SLC9A3: variants seen among roughly 807,000 people sequenced by gnomAD.
The protein encoded by SLC9A3 is sodium/hydrogen exchanger 3.
A neutral mutation model predicts 86.8 loss-of-function variants in SLC9A3; 37 were observed. That is an observed-to-expected ratio of 0.43 (90% CI 0.33 to 0.56). The LOEUF (loss-of-function observed/expected upper bound fraction) is 0.56. Ranked by LOEUF, SLC9A3 falls within the 20% of genes least tolerant of loss-of-function variation. The pLI, the probability that SLC9A3 is intolerant of heterozygous loss-of-function variation, is 0.06. For synonymous variants in SLC9A3, 581 were observed against 528.3 expected (o/e 1.10, Z -1.37); for missense variants, 1,011 against 1,171.9 (o/e 0.86, Z 2.00).
intron 14 of SLC9A3, 47 bp from the exon 15 acceptor site, chr5:475,718 T>TGAGGACAGCCC: frequency 1.9e-6 from 2 of 1,057,102 alleles, no homozygotes; most frequent in Non-Finnish European, 2.9e-6. Context: ...TGGGGGGCTG[T>TGAGGACAGCCC]CCTCACAGCC....
At chr5:493,618 C>A (rs1269390306) in intron 1 of SLC9A3, among the ~76,000 whole-genome samples, 1 of 152,246 alleles carries the variant, frequency 6.6e-6, no homozygotes, top group Non-Finnish European at 1.5e-5. Flanking sequence ...CAGGCACAAG[C>A]TCCGCACCTG....
chr5:473,109 G>A lies in SLC9A3; in HGVS notation c.*270C>T, dbSNP rs1327674902. ...GCTGTGCACGCGGCGCGCCGCCGCC[G>A]AACGCGCGTGCGCACTCGGCAGCCC... On this transcript the variant is annotated 3_prime_UTR_variant, in exon 17 of 17. Coordinates refer to ENST00000264938, the MANE Select transcript of SLC9A3 (RefSeq NM_004174.4). The A allele has an allele frequency of 4.3e-5, 8 of 185,874 alleles. No individual in the cohort carries two copies. The highest frequency in any genetic ancestry group is 1.4e-4 in the African/African-American group (6 of 41,770). 11.5% of individuals were successfully genotyped at this position (185,874 alleles called of 1,614,324 possible). A position where few individuals can be genotyped will look rare whatever the true frequency, so the allele number is the denominator to read the frequency against.
intron 1 of SLC9A3, among the ~76,000 whole-genome samples, chr5:515,101 T>C (rs774588439): frequency 1.1e-4 from 17 of 152,002 alleles, no homozygotes; most frequent in Admixed American, 2.0e-4. Context: ...TGGGGAGACA[T>C]GGGGAGATTT....
rs1300903574 is a variant in SLC9A3 at position 484,808 on chromosome 5, C to T, written c.755-111G>A. ...GGGAGCCCGGGAAACGGGGGTGGAT[C>T]CCTCACTCTCTTGGAGATCGGGCCT... On this transcript the variant is annotated intron_variant, in intron 4 of 16. Transcript: ENST00000264938. The T allele has an allele frequency of 5.0e-6, 5 of 1,006,140 alleles. No individual in the cohort carries two copies. In the Admixed American group the frequency reaches 1.1e-4, roughly 21 times the overall value. 62.3% of individuals were successfully genotyped at this position (1,006,140 alleles called of 1,614,324 possible). A position where few individuals can be genotyped will look rare whatever the true frequency, so the allele number is the denominator to read the frequency against.
intron 9 of SLC9A3, chr5:480,167 A>G (rs564878806): frequency 2.0e-5 from 11 of 556,330 alleles, no homozygotes; most frequent in Non-Finnish European, 3.5e-5. Context: ...AGGCCGTTAG[A>G]CGCATATGAA....
At position 483,735 on chromosome 5, in the gene SLC9A3, G is replaced by C. The variant is rs536326872; in HGVS notation, c.933-253C>G. ...CCTGCCAGCAGGGAGGGCAACAAAG[G>C]GTTCCAAAGTCCCTCCCCACCTGAC... On this transcript the variant is annotated intron_variant, in intron 5 of 16. Coordinates refer to ENST00000264938, the MANE Select transcript of SLC9A3 (RefSeq NM_004174.4). Among the ~76,000 whole-genome samples, 24 of 152,382 alleles carry C rather than the reference G, an allele frequency of 1.6e-4. No individual in the cohort carries two copies. The South Asian group carries it at 5.0e-3, about 32-fold the overall frequency.
In SLC9A3 at chr5:491,650, C is replaced by A. The variant is rs1739746623; in HGVS notation, c.514+119G>T. 2 of 944,872 alleles carry A rather than the reference C, an allele frequency of 2.1e-6. No homozygotes were observed. Among genetic ancestry groups the A allele is most frequent in the African/African-American group, 1.7e-5 (1 of 60,240 alleles). 58.5% of individuals were successfully genotyped at this position (944,872 alleles called of 1,614,324 possible). A position where few individuals can be genotyped will look rare whatever the true frequency, so the allele number is the denominator to read the frequency against. ...ACGGGGCTGCCAGCCACGTTTCTCA[C>A]CTGACACTTACCGCCTGGAGGCCAG... On this transcript the variant is annotated intron_variant, in intron 2 of 16. Coordinates refer to ENST00000264938, the MANE Select transcript of SLC9A3 (RefSeq NM_004174.4). This position sits in a 1 kb window ranked among gnomAD's most constrained non-coding sequence, Gnocchi z 9.2.
chr5:475,358 C>T (rs1424604136), intron 15 of SLC9A3: 2 of 617,156 alleles, frequency 3.2e-6, no homozygotes, highest in East Asian at 2.7e-5. Context: ...CCCACCTGCT[C>T]CCTGCCCGGC....
rs939898494 is a variant in SLC9A3, at chr5:473,256, C to G, written c.*123G>C. 180 of 1,094,702 alleles carry G rather than the reference C, an allele frequency of 1.6e-4. No homozygotes were observed. In the African/African-American group the frequency reaches 2.9e-3, roughly 18 times the overall value. The allele number at this position is 1,094,702 out of a possible 1,614,324, so 67.8% of individuals were successfully genotyped here. A position where few individuals can be genotyped will look rare whatever the true frequency, so the allele number is the denominator to read the frequency against. ...AGGCGCTGGCGTGGGCGAGGCGGGGCTCGGGGCTCGCGGTCGCTGTAGCCG... is the reference window on the plus strand; with the variant it reads ...AGGCGCTGGCGTGGGCGAGGCGGGGGTCGGGGCTCGCGGTCGCTGTAGCCG... On this transcript the variant is annotated 3_prime_UTR_variant, in exon 17 of 17. Coordinates refer to ENST00000264938, the MANE Select transcript of SLC9A3 (RefSeq NM_004174.4).
At chr5:511,018 C>T (rs950314333) in intron 1 of SLC9A3, among the ~76,000 whole-genome samples, 1 of 152,180 alleles carries the variant, frequency 6.6e-6, no homozygotes, top group African/African-American at 2.4e-5. Flanking sequence ...ATCACGACTC[C>T]CTCCAGCCTC....
rs1738491952 is a variant in SLC9A3 at position 473,218 on chromosome 5, C to T, written c.*161G>A. 3 of 781,088 alleles carry T rather than the reference C, an allele frequency of 3.8e-6. No individual in the cohort carries two copies. The highest frequency in any genetic ancestry group is 5.2e-6 in the Non-Finnish European group (3 of 582,522). The allele number at this position is 781,088 out of a possible 1,614,324, so 48.4% of individuals were successfully genotyped here. Reference sequence around the variant, plus strand: ...TCTGCGGGCGCAGGCGCGGCACTCTCGGAGTTCTGCGCAGGCGCTGGCGTG... The same window carrying T: ...TCTGCGGGCGCAGGCGCGGCACTCTTGGAGTTCTGCGCAGGCGCTGGCGTG... On this transcript the variant is annotated 3_prime_UTR_variant, in exon 17 of 17. Transcript: ENST00000264938.
intron 2 of SLC9A3, among the ~76,000 whole-genome samples, chr5:490,752 C>A (rs1485963118): frequency 6.6e-6 from 1 of 152,212 alleles, no homozygotes; most frequent in Non-Finnish European, 1.5e-5. Context: ...CTGCCCCATC[C>A]GAGGTGTGTC....
At chr5:505,065 C>T (rs1261765171) in intron 1 of SLC9A3, among the ~76,000 whole-genome samples, 2 of 151,418 alleles carry the variant, frequency 1.3e-5, no homozygotes, top group Non-Finnish European at 2.9e-5. Context: ...CGCAGTGACC[C>T]CTTTAACAGA....
At position 473,253 on chromosome 5, in the gene SLC9A3, G is replaced by A. The variant is rs34674918; in HGVS notation, c.*126C>T. 0.41 allele frequency: 433,214 copies of A among 1,067,860 alleles called. 90,895 individuals carry two copies. Among genetic ancestry groups the A allele is most frequent in the African/African-American group, 0.65 (39,139 of 60,564 alleles). The allele number at this position is 1,067,860 out of a possible 1,614,324, so 66.1% of individuals were successfully genotyped here. A position where few individuals can be genotyped will look rare whatever the true frequency, so the allele number is the denominator to read the frequency against. Reference sequence around the variant, plus strand: ...CGCAGGCGCTGGCGTGGGCGAGGCGGGGCTCGGGGCTCGCGGTCGCTGTAG... The same window carrying A: ...CGCAGGCGCTGGCGTGGGCGAGGCGAGGCTCGGGGCTCGCGGTCGCTGTAG... On this transcript the variant is annotated 3_prime_UTR_variant, in exon 17 of 17. Coordinates refer to ENST00000264938, the MANE Select transcript of SLC9A3 (RefSeq NM_004174.4).
At chr5:524,075 C>T in intron 1 of SLC9A3, 37 bp downstream of exon 1, 2 of 1,401,906 alleles carry the variant, frequency 1.4e-6, no homozygotes, top group South Asian at 1.4e-5. Flanking sequence ...CGGCCGCACA[C>T]CCCGCGGGCA....
chr5:483,701 C>G (rs1739330280), intron 5 of SLC9A3, among the ~76,000 whole-genome samples: 1 of 152,250 alleles, frequency 6.6e-6, no homozygotes, highest in African/African-American at 2.4e-5. Context: ...ATAATGGGCA[C>G]CGGGGCTGCC....
At chr5:519,834 T>TG (rs1232608097) in intron 1 of SLC9A3, among the ~76,000 whole-genome samples, 1 of 139,164 alleles carries the variant, frequency 7.2e-6, no homozygotes, top group Non-Finnish European at 1.6e-5. Flanking sequence ...CAGAGGGGGG[T>TG]GGGGGGGCTG....
intron 1 of SLC9A3, among the ~76,000 whole-genome samples, chr5:517,333 G>C (rs13153157): frequency 0.9 from 135,119 of 150,930 alleles, 60,661 homozygotes; most frequent in African/African-American, 0.92. Flanking sequence ...ATCCATCCAT[G>C]AGTTCACTCA....
At chr5:502,078 C>T (rs185179242) in intron 1 of SLC9A3, among the ~76,000 whole-genome samples, 60 of 152,388 alleles carry the variant, frequency 3.9e-4, no homozygotes, top group African/African-American at 1.3e-3. Context: ...TTACAACACT[C>T]GAGCAAACCT....
Sources: gnomAD v4.1 joint callset for allele counts (sites outside exome capture counted in the v4.1 genomes callset) on GRCh38, gnomAD v4.1.1 for gene constraint, Gnocchi (gnomAD v3.1) non-coding constraint, MANE v1.5 for transcripts, NCBI Gene and HGNC (gene_info 2026-07-23, HGNC 2026-07-21) for gene names.